Variants in NOX4 observed in about 807,000 individuals in gnomAD.
The protein encoded by NOX4 is NADPH oxidase 4, also known as kidney oxidase-1.
Under a neutral mutation model 87.6 loss-of-function variants are expected in NOX4, and 69 were observed. That is an observed-to-expected ratio of 0.79 (90% CI 0.65 to 0.96). NOX4 has a LOEUF of 0.96. Among genes scored for constraint, NOX4 ranks in the 40% least tolerant of loss-of-function variants. NOX4 has a pLI of 0.00. For missense variants in NOX4, 680 were observed against 681.5 expected (o/e 1.00, Z 0.02); for synonymous variants, 275 against 238.2 (o/e 1.15, Z -1.42).
At chr11:89,579,492 G>T in the NOX4 span, among the ~76,000 whole-genome samples, 1 of 151,498 alleles carries the variant, frequency 6.6e-6, no homozygotes, top group Non-Finnish European at 1.5e-5. Flanking sequence ...TCTATTTAAA[G>T]AACAAAATAG....
intron 11 of NOX4, among the ~76,000 whole-genome samples, chr11:89,389,012 A>G (rs1189090852): frequency 6.6e-6 from 1 of 152,210 alleles, no homozygotes; most frequent in African/African-American, 2.4e-5. Context: ...GTCCACAGTC[A>G]TAATACTAGG....
chr11:89,333,580 T>C (rs2135369058), intron 17 of NOX4, among the ~76,000 whole-genome samples: 1 of 151,870 alleles, frequency 6.6e-6, no homozygotes, highest in Non-Finnish European at 1.5e-5. Flanking sequence ...TAATAAGTAA[T>C]CACTTTCTGA....
the NOX4 span, among the ~76,000 whole-genome samples, chr11:89,551,178 T>A: frequency 6.6e-6 from 1 of 152,204 alleles, no homozygotes; most frequent in Non-Finnish European, 1.5e-5. Context: ...TCTGTTTTGG[T>A]GACTTGTAGT....
Position 89,405,900 on chromosome 11 carries a change from C to A in NOX4, c.630-3358G>T, listed in dbSNP as rs1942151182. On this transcript the variant is annotated intron_variant, in intron 8 of 17. Transcript: ENST00000263317. The stretch of plus-strand genomic sequence containing the variant: ...CAAAGTCTGTGCTCCTTCCTCTGTA[C>A]CAGGCCTATTCCCCTTGCAAAATAT... Among the ~76,000 whole-genome samples, 4 of 152,036 alleles carry A rather than the reference C, an allele frequency of 2.6e-5. No individual in the cohort carries two copies. The South Asian group carries it at 6.2e-4, about 24-fold the overall frequency.
At chr11:89,446,120 C>G (rs7111776) in intron 4 of NOX4, among the ~76,000 whole-genome samples, 5,538 of 152,162 alleles carry the variant, frequency 0.036, 313 homozygotes, top group African/African-American at 0.12. Context: ...AGATGATCCA[C>G]ATTATATAAC....
At chr11:89,332,034 G>C (rs1165619105) in intron 17 of NOX4, among the ~76,000 whole-genome samples, 1 of 151,828 alleles carries the variant, frequency 6.6e-6, no homozygotes, top group African/African-American at 2.4e-5. Context: ...GATGGAATGA[G>C]TGGAGGTAGA....
chr11:89,457,127 G>GCTA (rs1332629659), intron 2 of NOX4, among the ~76,000 whole-genome samples: 3 of 152,166 alleles, frequency 2.0e-5, no homozygotes, highest in Non-Finnish European at 2.9e-5. Context: ...TAGCCAACCT[G>GCTA]CAGCCTTGAC....
chr11:89,424,048 G>A (rs1943233618), intron 7 of NOX4, among the ~76,000 whole-genome samples: 1 of 151,760 alleles, frequency 6.6e-6, no homozygotes, highest in South Asian at 2.1e-4. Flanking sequence ...ATTCCAGCCT[G>A]GATGAGAGAG....
chr11:89,347,754 C>T (rs762401160), intron 13 of NOX4, among the ~76,000 whole-genome samples: 17 of 152,152 alleles, frequency 1.1e-4, no homozygotes, highest in Non-Finnish European at 1.3e-4. Context: ...CACCCTTAGA[C>T]ATCTATCTGA....
intron 2 of NOX4, among the ~76,000 whole-genome samples, chr11:89,476,077 T>C (rs772528513): frequency 2.6e-5 from 4 of 152,168 alleles, no homozygotes; most frequent in Non-Finnish European, 5.9e-5. Flanking sequence ...TAACCTACGA[T>C]TGCTCATTAG....
chr11:89,336,607 G>A (rs1019697825), intron 16 of NOX4, among the ~76,000 whole-genome samples: 2 of 151,894 alleles, frequency 1.3e-5, no homozygotes, highest in East Asian at 1.9e-4. Context: ...AGTGAACTGC[G>A]GAGAAAGGAG....
At chr11:89,384,947 C>T (rs1345044496) in intron 11 of NOX4, among the ~76,000 whole-genome samples, 8 of 152,140 alleles carry the variant, frequency 5.3e-5, no homozygotes, top group Admixed American at 1.3e-4. Flanking sequence ...TCACGCTGAT[C>T]ACACTTGGTT....
intron 2 of NOX4, among the ~76,000 whole-genome samples, chr11:89,480,231 G>T (rs1344059010): frequency 6.6e-6 from 1 of 152,026 alleles, no homozygotes; most frequent in Non-Finnish European, 1.5e-5. Context: ...GCATGCTAAG[G>T]GTTGACTGCC....
At chr11:89,426,556 C>T (rs140263356) in intron 7 of NOX4, among the ~76,000 whole-genome samples, 16 of 152,220 alleles carry the variant, frequency 1.1e-4, no homozygotes, top group East Asian at 1.9e-4. Context: ...TCTTAGCAAA[C>T]GGCACACCAG....
chr11:89,339,843 G>A (rs1590960492), intron 15 of NOX4, among the ~76,000 whole-genome samples: 1 of 152,002 alleles, frequency 6.6e-6, no homozygotes, highest in Non-Finnish European at 1.5e-5. Context: ...AGATATATAT[G>A]CATACTCACA....
chr11:89,536,886 A>G, the NOX4 span, among the ~76,000 whole-genome samples: 1 of 151,956 alleles, frequency 6.6e-6, no homozygotes, highest in Non-Finnish European at 1.5e-5. Flanking sequence ...CAAAACTTCC[A>G]CTCTTTCTTC....
At chr11:89,412,460 C>T (rs1260372879) in intron 8 of NOX4, among the ~76,000 whole-genome samples, 1 of 152,058 alleles carries the variant, frequency 6.6e-6, no homozygotes, top group East Asian at 1.9e-4. Flanking sequence ...TAATATCAAG[C>T]ACCTTTCCTG....
At chr11:89,556,538 A>AGGGAGGGGAG in the NOX4 span, among the ~76,000 whole-genome samples, 1 of 129,748 alleles carries the variant, frequency 7.7e-6, no homozygotes, top group Non-Finnish European at 1.6e-5. Context: ...AGGGAGGGGA[A>AGGGAGGGGAG]GGGAGGGGAG....
intron 12 of NOX4, among the ~76,000 whole-genome samples, chr11:89,359,810 TA>T (rs1300241377): frequency 6.6e-6 from 1 of 152,004 alleles, no homozygotes; most frequent in Non-Finnish European, 1.5e-5. Flanking sequence ...TTTTTCAGGG[TA>T]ATAAAAGAAG....
Sources: gnomAD v4.1 joint callset for allele counts (sites outside exome capture counted in the v4.1 genomes callset) on GRCh38, gnomAD v4.1.1 for gene constraint, MANE v1.5 for transcripts, NCBI Gene and HGNC (gene_info 2026-07-23, HGNC 2026-07-21) for gene names.